FLYWCH1: variants seen among roughly 807,000 people sequenced by gnomAD.
The protein encoded by FLYWCH1 is FLYWCH-type zinc finger 1.
A neutral mutation model predicts 66.4 loss-of-function variants in FLYWCH1; 75 were observed. The observed-to-expected ratio is 1.13, with a 90% confidence interval of 0.94 to 1.37. The LOEUF is 1.37. Ranked by LOEUF, FLYWCH1 falls within the 40% of genes most tolerant of loss-of-function variation. The pLI, the probability that FLYWCH1 is intolerant of heterozygous loss-of-function variation, is 0.00. For synonymous variants in FLYWCH1, 595 were observed against 429.9 expected (o/e 1.38, Z -4.75); for missense variants, 1,334 against 1,001.8 (o/e 1.33, Z -4.48).
In FLYWCH1 at chr16:2,937,106, C is replaced by G; in HGVS notation, c.1514-15C>G. ...AGCTGGTGTCCGCTGCTCCTCCCCTCCCATTTCTCAACAGGAGGCCCCGAG... is the reference window on the plus strand; with the variant it reads ...AGCTGGTGTCCGCTGCTCCTCCCCTGCCATTTCTCAACAGGAGGCCCCGAG... On this transcript the variant is annotated splice_polypyrimidine_tract_variant and intron_variant, in intron 6 of 9. Coordinates refer to ENST00000253928, the MANE Select transcript of FLYWCH1 (RefSeq NM_001308068.2). 1 of 1,591,928 alleles carries G rather than the reference C, an allele frequency of 6.3e-7. No homozygotes were observed. The highest frequency in any genetic ancestry group is 8.6e-7 in the Non-Finnish European group (1 of 1,169,230).
chr16:2,933,888 G>C lies in FLYWCH1; in HGVS notation c.1422G>C (p.Met474Ile), dbSNP rs577546871. Reference protein sequence around the residue: ...AITQGRRVTVMRGHCHPPDLG... With the variant: ...AITQGRRVTVIRGHCHPPDLG... ...CCCAGGGCCGACGGGTGACTGTCAT[G>C]CGTGGTCACTGCCACCCGCCCGACC... is the stretch of plus-strand genomic sequence containing the variant. The change falls in exon 6 of 10, where the codon ATG (methionine) becomes ATC (isoleucine). Residue 474 changes from methionine (M) to isoleucine (I), a missense_variant. Coordinates refer to ENST00000253928, the MANE Select transcript of FLYWCH1 (RefSeq NM_001308068.2). 3.1e-6 allele frequency: 5 copies of C among 1,592,414 alleles called. No individual in the cohort carries two copies. The Admixed American group carries it at 8.9e-5, about 28-fold the overall frequency.
chr16:2,946,395 C>A (rs971093384), intron 9 of FLYWCH1, among the ~76,000 whole-genome samples: 1 of 134,314 alleles, frequency 7.4e-6, no homozygotes, highest in South Asian at 2.3e-4. Flanking sequence ...GATCTCGGCT[C>A]ACTGCAACCT....
Position 2,934,117 on chromosome 16 carries a change from T to G in FLYWCH1, c.1513+138T>G, listed in dbSNP as rs1050763185. On this transcript the variant is annotated intron_variant, in intron 6 of 9. Coordinates refer to ENST00000253928, the MANE Select transcript of FLYWCH1 (RefSeq NM_001308068.2). ...AACATCCTAGAAGGAACTATGGCCC[T>G]GGCCTCCTACTCCTTGGCCCCCCTG... The G allele has an allele frequency of 8.8e-6, 10 of 1,132,532 alleles. No individual in the cohort carries two copies. In the South Asian group the frequency reaches 1.5e-4, roughly 17 times the overall value. The allele number at this position is 1,132,532 out of a possible 1,614,324, so 70.2% of individuals were successfully genotyped here. A position where few individuals can be genotyped will look rare whatever the true frequency, so the allele number is the denominator to read the frequency against.
chr16:2,943,835 G>T (rs1242006401), intron 9 of FLYWCH1, among the ~76,000 whole-genome samples: 2 of 152,144 alleles, frequency 1.3e-5, no homozygotes, highest in African/African-American at 4.8e-5. Flanking sequence ...TACTTGGAAG[G>T]CTGAGGCAGG....
At chr16:2,948,622 T>A (rs955490172) in intron 9 of FLYWCH1, 66 bp from the exon 10 acceptor site, 2 of 1,536,866 alleles carry the variant, frequency 1.3e-6, no homozygotes, top group Non-Finnish European at 1.8e-6. Context: ...AATCCTGAAC[T>A]TTCTGTGTTA....
rs117697240 is a variant in FLYWCH1, at chr16:2,933,298, G to A, written c.965G>A (p.Arg322Gln). The A allele has an allele frequency of 1.6e-4, 255 of 1,611,858 alleles. No individual in the cohort carries two copies. The East Asian group carries it at 3.4e-3, about 21-fold the overall frequency. ...CRSRAITQGQRVTVMRGHCHQ... is the reference protein window; with the variant it reads ...CRSRAITQGQQVTVMRGHCHQ... ...AGCCGGGCCATCACCCAGGGACAGC[G>A]GGTGACTGTGATGCGTGGGCACTGC... Residue 322 changes from arginine to glutamine, a missense_variant, in exon 5 of 10, where the codon CGG becomes CAG. By Grantham distance (43) the Arg-to-Gln change is conservative (BLOSUM62 1). Transcript: ENST00000253928.
intron 8 of FLYWCH1, chr16:2,939,631 C>T (rs34960017): frequency 0.23 from 40,764 of 179,832 alleles, 5,688 homozygotes; most frequent in Non-Finnish European, 0.3. Flanking sequence ...CACTCTAGCC[C>T]GGGAGGTTGA....
At chr16:2,947,763 CAAAAAA>C (rs552849157) in intron 9 of FLYWCH1, among the ~76,000 whole-genome samples, 3 of 126,340 alleles carry the variant, frequency 2.4e-5, no homozygotes, top group Non-Finnish European at 3.4e-5. Context: ...ACTCTTATCT[CAAAAAA>C]AAAAAAAAAA....
At chr16:2,946,544 T>A (rs1421648645) in intron 9 of FLYWCH1, among the ~76,000 whole-genome samples, 4 of 151,874 alleles carry the variant, frequency 2.6e-5, no homozygotes, top group African/African-American at 7.3e-5. Flanking sequence ...GCTGGTCTCG[T>A]ACTCTTGACC....
chr16:2,937,374 G>T lies in FLYWCH1; in HGVS notation c.1767G>T (p.Trp589Cys). The T allele has an allele frequency of 1.3e-6, 2 of 1,569,208 alleles. No individual in the cohort carries two copies. The highest frequency in any genetic ancestry group is 2.3e-5 in the East Asian group (1 of 44,412). The change falls in exon 7 of 10, where the codon TGG (tryptophan) becomes TGT (cysteine). Residue 589 changes from tryptophan (W) to cysteine (C), a missense_variant. Coordinates refer to ENST00000253928, the MANE Select transcript of FLYWCH1 (RefSeq NM_001308068.2). ...QREHFPNLAQ[W>C]DSPDPLRPLE... ...AGCACTTCCCCAACCTGGCGCAGTG[G>T]GACAGCCCAGGTGCGTGTGGAGGGT...
chr16:2,917,222 T>C (rs1212052872), intron 2 of FLYWCH1, among the ~76,000 whole-genome samples: 1 of 111,558 alleles, frequency 9.0e-6, no homozygotes, highest in Non-Finnish European at 1.8e-5. Context: ...AAAGTAAGCT[T>C]GTTAATAATT....
chr16:2,926,244 G>T (rs1265885477), intron 2 of FLYWCH1, among the ~76,000 whole-genome samples: 1 of 152,196 alleles, frequency 6.6e-6, no homozygotes, highest in Admixed American at 6.5e-5. Context: ...AGGAACTTTA[G>T]ATCTAAAGGA....
chr16:2,943,505 G>A (rs1174935174), intron 9 of FLYWCH1: 1 of 151,374 alleles, frequency 6.6e-6, no homozygotes, highest in Non-Finnish European at 1.5e-5. Flanking sequence ...GATCAGTAGA[G>A]AAAAGGACAA....
intron 1 of FLYWCH1, chr16:2,912,972 G>C (rs2070042633): frequency 6.6e-6 from 1 of 152,320 alleles, no homozygotes; most frequent in South Asian, 2.1e-4. Context: ...TTTCTCGTGT[G>C]ATTATATCAT....
chr16:2,941,625 C>G (rs1249887538), intron 9 of FLYWCH1, among the ~76,000 whole-genome samples: 3 of 149,766 alleles, frequency 2.0e-5, no homozygotes, highest in Admixed American at 1.3e-4. Context: ...ACCTGTAATC[C>G]TAGCATTTTG....
intron 6 of FLYWCH1, chr16:2,936,456 C>T (rs902746578): frequency 8.9e-6 from 4 of 447,552 alleles, no homozygotes; most frequent in African/African-American, 8.0e-5. Context: ...CCTCCCGCCC[C>T]CCGCTGGCCT....
rs2070719053 is a variant in FLYWCH1, at chr16:2,930,415, C to T, written c.331C>T (p.Pro111Ser). 1.4e-6 allele frequency: 2 copies of T among 1,456,920 alleles called. No homozygotes were observed. Among genetic ancestry groups the T allele is most frequent in the East Asian group, 5.1e-5 (2 of 39,274 alleles). The allele number at this position is 1,456,920 out of a possible 1,614,324, so 90.2% of individuals were successfully genotyped here. The change falls in exon 4 of 10, where the codon CCT becomes TCT. Residue 111 changes from proline (P) to serine (S), a missense_variant. By Grantham distance (74) the Pro-to-Ser change is moderately conservative. Transcript: ENST00000253928. ...QKCSKLDAAA[P>S]QSLEFLRTPF... ...TAGCCTTCCCGTTCCCCCAGCAGCC[C>T]CTCAGTCCCTGGAGTTCCTGAGGAC...
In FLYWCH1 at chr16:2,933,432, C is replaced by T. The variant is rs767669606; in HGVS notation, c.1099C>T (p.Arg367Ter). 2.2e-5 allele frequency: 36 copies of T among 1,600,608 alleles called. No homozygotes were observed. Among genetic ancestry groups the T allele is most frequent in the Middle Eastern group, 1.7e-4 (1 of 6,026 alleles). The part of the protein sequence containing the change: ...GPGSQVDTLL[R>*]GVDSLLYRRG... Reference sequence around the variant, plus strand: ...TGGGAGCCAAGTGGACACGCTGCTCCGAGGCGTGGATAGTTTGCTCTACCG... The same window carrying T: ...TGGGAGCCAAGTGGACACGCTGCTCTGAGGCGTGGATAGTTTGCTCTACCG... Residue 367 changes from arginine (R) to a stop codon, truncating the protein, a stop_gained, in exon 5 of 10, where the codon CGA (arginine) becomes TGA (stop). Transcript: ENST00000253928. LOFTEE classifies it high-confidence loss of function.
At chr16:2,916,818 C>T (rs1397724780) in intron 2 of FLYWCH1, among the ~76,000 whole-genome samples, 65 of 151,898 alleles carry the variant, frequency 4.3e-4, no homozygotes, top group African/African-American at 1.4e-3. Flanking sequence ...CCCTAAGGTT[C>T]CTGAAACTTG....
Sources: gnomAD v4.1 joint callset for allele counts (sites outside exome capture counted in the v4.1 genomes callset) on GRCh38, gnomAD v4.1.1 for gene constraint, MANE v1.5 for transcripts, NCBI Gene and HGNC (gene_info 2026-07-23, HGNC 2026-07-21) for gene names.